CDH18: variants seen among roughly 807,000 people sequenced by gnomAD.
CDH18 encodes the protein cadherin-18.
In CDH18, 31 loss-of-function variants were observed where a neutral mutation model predicts 67.9. The observed-to-expected ratio is 0.46, with a 90% confidence interval of 0.34 to 0.62. The LOEUF is 0.62. Ranked by LOEUF, CDH18 falls within the 20% of genes least tolerant of loss-of-function variation. The pLI is 0.01. For missense variants in CDH18, 890 were observed against 975.5 expected, an observed-to-expected ratio of 0.91 and a Z score of 1.17; for synonymous variants, 362 against 347.2, an observed-to-expected ratio of 1.04 and a Z score of -0.48.
chr5:19,572,271 G>A (rs1414067487), intron 7 of CDH18, among the ~76,000 whole-genome samples: 1 of 152,206 alleles, frequency 6.6e-6, no homozygotes, highest in Non-Finnish European at 1.5e-5. Flanking sequence ...GTGAGTGAAG[G>A]TGATTCGGAG....
intron 3 of CDH18, among the ~76,000 whole-genome samples, chr5:19,767,034 A>G (rs531449031): frequency 2.6e-5 from 4 of 151,910 alleles, no homozygotes; most frequent in Admixed American, 1.3e-4. Context: ...ATAAAATATG[A>G]TAATTGAAAA....
intron 1 of CDH18, among the ~76,000 whole-genome samples, chr5:20,360,437 C>CA (rs1741999800): frequency 5.3e-5 from 8 of 152,152 alleles, no homozygotes; most frequent in Non-Finnish European, 1.2e-4. Flanking sequence ...AGCATGGACT[C>CA]TTGGCTTTGG....
At chr5:19,943,206 G>A (rs1183925021) in intron 2 of CDH18, among the ~76,000 whole-genome samples, 1 of 152,054 alleles carries the variant, frequency 6.6e-6, no homozygotes, top group Admixed American at 6.6e-5. Flanking sequence ...GTTTGGGGGG[G>A]TAAGAAAAGT....
chr5:19,825,521 A>T (rs968713819), intron 3 of CDH18, among the ~76,000 whole-genome samples: 1 of 152,136 alleles, frequency 6.6e-6, no homozygotes, highest in African/African-American at 2.4e-5. Context: ...CCGCAAGGAT[A>T]CAGCCTGTCT....
intron 1 of CDH18, among the ~76,000 whole-genome samples, chr5:20,259,038 T>G (rs911472476): frequency 6.6e-6 from 1 of 152,166 alleles, no homozygotes; most frequent in Non-Finnish European, 1.5e-5. Context: ...TGTTTGGGAC[T>G]TGAAAATGGT....
chr5:20,177,998 G>A (rs543296203), intron 2 of CDH18, among the ~76,000 whole-genome samples: 7 of 152,202 alleles, frequency 4.6e-5, no homozygotes, highest in South Asian at 4.1e-4. Flanking sequence ...TCAGCAGCAC[G>A]AGAAAAGACT....
intron 2 of CDH18, among the ~76,000 whole-genome samples, chr5:20,177,118 T>C (rs1192972861): frequency 6.6e-6 from 1 of 152,158 alleles, no homozygotes; most frequent in Non-Finnish European, 1.5e-5. Flanking sequence ...TGATGAATAA[T>C]ATTTGACTTG....
intron 2 of CDH18, among the ~76,000 whole-genome samples, chr5:20,005,676 A>C (rs1405396881): frequency 2.0e-5 from 3 of 152,060 alleles, no homozygotes; most frequent in Non-Finnish European, 4.4e-5. Flanking sequence ...CCAAATGAGA[A>C]AGAATGAAAC....
At chr5:20,010,696 A>T (rs1022335326) in intron 2 of CDH18, among the ~76,000 whole-genome samples, 3 of 152,014 alleles carry the variant, frequency 2.0e-5, no homozygotes, top group Admixed American at 2.0e-4. Context: ...TTTTACTCCC[A>T]CCTTTCTGGT....
intron 3 of CDH18, among the ~76,000 whole-genome samples, chr5:19,756,743 A>G (rs1771657354): frequency 6.6e-6 from 1 of 152,182 alleles, no homozygotes; most frequent in South Asian, 2.1e-4. Context: ...TCCTGGTGTC[A>G]GTATTCCTCC....
intron 1 of CDH18, among the ~76,000 whole-genome samples, chr5:20,312,828 A>G (rs1390875368): frequency 6.6e-6 from 1 of 151,990 alleles, no homozygotes; most frequent in African/African-American, 2.4e-5. Context: ...AAGGCTATTC[A>G]CCATAGTTTT....
chr5:19,605,329 A>G (rs1747859280), intron 6 of CDH18, among the ~76,000 whole-genome samples: 2 of 151,904 alleles, frequency 1.3e-5, no homozygotes, highest in East Asian at 1.9e-4. Flanking sequence ...TAATAAATAC[A>G]TAATAATTTT....
intron 2 of CDH18, among the ~76,000 whole-genome samples, chr5:20,087,335 A>T (rs898319782): frequency 6.6e-6 from 1 of 151,972 alleles, no homozygotes; most frequent in African/African-American, 2.4e-5. Flanking sequence ...TTTAAATATT[A>T]AAAAAAAGAC....
intron 1 of CDH18, among the ~76,000 whole-genome samples, chr5:20,466,884 T>A (rs572397661): frequency 1.3e-5 from 2 of 152,062 alleles, no homozygotes. Context: ...TTAATGGAAA[T>A]AGGAATGTGT....
chr5:20,272,568 C>T (rs10805688), intron 1 of CDH18, among the ~76,000 whole-genome samples: 17,750 of 151,708 alleles, frequency 0.12, 1,574 homozygotes, highest in African/African-American at 0.24. Flanking sequence ...TGGAGTGAGA[C>T]TAAACAGAAC....
intron 2 of CDH18, among the ~76,000 whole-genome samples, chr5:19,921,797 A>T (rs1579608185): frequency 6.6e-6 from 1 of 152,280 alleles, no homozygotes; most frequent in South Asian, 2.1e-4. Context: ...TAATTTTTAA[A>T]ATTATGTTGA....
intron 2 of CDH18, among the ~76,000 whole-genome samples, chr5:19,935,427 A>G (rs115882103): frequency 0.011 from 1,717 of 151,382 alleles, 16 homozygotes; most frequent in South Asian, 0.026. Context: ...CAGTATTTTA[A>G]TGTACACACT....
intron 10 of CDH18, among the ~76,000 whole-genome samples, chr5:19,503,902 G>A (rs1353089443): frequency 1.3e-5 from 2 of 152,012 alleles, no homozygotes; most frequent in East Asian, 3.9e-4. Flanking sequence ...TAATGCTTAG[G>A]TGTCTTCATT....
At chr5:19,508,871 T>C (rs1465192843) in intron 10 of CDH18, among the ~76,000 whole-genome samples, 2 of 150,168 alleles carry the variant, frequency 1.3e-5, no homozygotes, top group African/African-American at 2.4e-5. Flanking sequence ...TTTTCTTTTT[T>C]TTTTTTTTTT....
Sources: gnomAD v4.1 joint callset for allele counts (sites outside exome capture counted in the v4.1 genomes callset) on GRCh38, gnomAD v4.1.1 for gene constraint, MANE v1.5 for transcripts, NCBI Gene and HGNC (gene_info 2026-07-23, HGNC 2026-07-21) for gene names.